The following DNAH8 variants were observed in gnomAD, a reference collection of about 807,000 sequenced individuals.
The protein encoded by DNAH8 is dynein axonemal heavy chain 8.
Under a neutral mutation model 562.1 loss-of-function variants are expected in DNAH8, and 382 were observed. The ratio of observed to expected loss-of-function variants is 0.68; its 90% CI spans 0.63 to 0.74. DNAH8 has a LOEUF of 0.74. Ranked by LOEUF, DNAH8 falls within the 30% of genes least tolerant of loss-of-function variation. The pLI, the probability that DNAH8 is intolerant of heterozygous loss-of-function variation, is 0.00. For missense variants in DNAH8, 5,203 were observed against 5,620.4 expected, an observed-to-expected ratio of 0.93 and a Z score of 2.37; for synonymous variants, 1,881 against 1,919.4, an observed-to-expected ratio of 0.98 and a Z score of 0.52.
At chr6:38,786,687 GC>G in intron 17 of DNAH8, 77 bp from the exon 18 acceptor site, 2 of 1,449,086 alleles carry the variant, frequency 1.4e-6, no homozygotes, top group Non-Finnish European at 1.9e-6. Context: ...AATCCAGGGG[GC>G]AAGACAGAAA....
intron 59 of DNAH8, among the ~76,000 whole-genome samples, chr6:38,895,592 G>A (rs11753409): frequency 0.13 from 20,186 of 152,116 alleles, 1,479 homozygotes; most frequent in South Asian, 0.27. Flanking sequence ...ATAAATCATA[G>A]ATGATAATGC....
intron 48 of DNAH8, among the ~76,000 whole-genome samples, chr6:38,868,616 A>G (rs561192674): frequency 6.6e-6 from 1 of 152,218 alleles, no homozygotes; most frequent in South Asian, 2.1e-4. Context: ...TTCCAAAAAC[A>G]CATTGAAAAT....
At position 38,834,635 on chromosome 6, in the gene DNAH8, A is replaced by G. The variant is rs765157183; in HGVS notation, c.4359A>G (p.Ile1453Met). Reference sequence around the variant, plus strand: ...AAGAAGCTAGCAACAGGCTACAGATATTTCAGGTGAAACCACATTTTTTTT... The same window carrying G: ...AAGAAGCTAGCAACAGGCTACAGATGTTTCAGGTGAAACCACATTTTTTTT... ...PPQEASNRLQ[I>M]FQASFDDLWR... Residue 1453 changes from isoleucine to methionine, a missense_variant, in exon 32 of 93, where the codon ATA becomes ATG. Transcript: ENST00000327475. 3 of 1,606,986 alleles carry G rather than the reference A, an allele frequency of 1.9e-6. No homozygotes were observed. The highest frequency in any genetic ancestry group is 2.5e-6 in the Non-Finnish European group (3 of 1,176,808).
At chr6:38,898,488 A>G (rs1346244920) in intron 61 of DNAH8, 108 bp downstream of exon 61, 6 of 908,920 alleles carry the variant, frequency 6.6e-6, no homozygotes, top group African/African-American at 1.8e-5. Context: ...GGTACCGTAT[A>G]GAAGACTGTA....
chr6:38,715,311 G>T lies in DNAH8; in HGVS notation c.-139G>T, dbSNP rs959015683. The T allele has an allele frequency of 1.3e-5, 2 of 152,252 alleles. No individual in the cohort carries two copies. Among genetic ancestry groups the T allele is most frequent in the Non-Finnish European group, 2.9e-5 (2 of 68,064 alleles). The allele number at this position is 152,252 out of a possible 1,614,324, so 9.4% of individuals were successfully genotyped here. On this transcript the variant is annotated 5_prime_UTR_variant, in exon 1 of 93. Coordinates refer to ENST00000327475, the MANE Select transcript of DNAH8 (RefSeq NM_001206927.2). ...TCTCGGACTCCCAACCGTCAGCCTC[G>T]TTCCGGGCCGCGGAGGCCGGAGCAG...
intron 9 of DNAH8, among the ~76,000 whole-genome samples, chr6:38,751,236 T>G (rs72858288): frequency 0.18 from 27,377 of 152,158 alleles, 3,314 homozygotes; most frequent in Non-Finnish European, 0.27. Context: ...CACGTGGGCC[T>G]CTCCACCTGG....
intron 70 of DNAH8, among the ~76,000 whole-genome samples, chr6:38,920,978 C>A (rs1231953002): frequency 6.6e-6 from 1 of 152,160 alleles, no homozygotes; most frequent in Non-Finnish European, 1.5e-5. Flanking sequence ...GCAGCCTCGA[C>A]CTCCGGGGCC....
intron 87 of DNAH8, among the ~76,000 whole-genome samples, chr6:38,988,912 C>T (rs1359202997): frequency 1.3e-5 from 2 of 152,124 alleles, no homozygotes; most frequent in South Asian, 4.1e-4. Flanking sequence ...TGCCTTAGTG[C>T]ACTTTGTATT....
intron 92 of DNAH8, among the ~76,000 whole-genome samples, chr6:39,029,576 T>C (rs1410597756): frequency 6.6e-6 from 1 of 152,246 alleles, no homozygotes; most frequent in East Asian, 1.9e-4. Flanking sequence ...GATGCTGCCC[T>C]GGCCATGATT....
At chr6:38,820,435 C>T (rs1253872869) in intron 26 of DNAH8, among the ~76,000 whole-genome samples, 1 of 152,180 alleles carries the variant, frequency 6.6e-6, no homozygotes, top group Non-Finnish European at 1.5e-5. Context: ...TCCTATAACA[C>T]TATTCCATCT....
intron 76 of DNAH8, among the ~76,000 whole-genome samples, chr6:38,932,214 A>ACACACACACC (rs1267516972): frequency 6.7e-6 from 1 of 150,280 alleles, no homozygotes; most frequent in Non-Finnish European, 1.5e-5. Context: ...ACACACACAC[A>ACACACACACC]CACCCGTCTC....
chr6:38,778,780 T>A (rs1738258), intron 14 of DNAH8, among the ~76,000 whole-genome samples: 14,480 of 152,130 alleles, frequency 0.095, 1,270 homozygotes, highest in East Asian at 0.44. Context: ...AGGGAACAAA[T>A]AATGTTTACT....
intron 88 of DNAH8, among the ~76,000 whole-genome samples, chr6:38,996,962 C>A (rs567438166): frequency 6.7e-6 from 1 of 148,594 alleles, no homozygotes; most frequent in Non-Finnish European, 1.5e-5. Flanking sequence ...GGCCCTGGAC[C>A]CCTGCCTAAA....
intron 32 of DNAH8, among the ~76,000 whole-genome samples, chr6:38,836,995 T>A (rs779896138): frequency 2.6e-5 from 4 of 152,196 alleles, no homozygotes; most frequent in Non-Finnish European, 4.4e-5. Context: ...TTATTGTTTA[T>A]CCTTCCTTAG....
chr6:38,987,252 C>T (rs1764463686), intron 87 of DNAH8, among the ~76,000 whole-genome samples: 1 of 152,220 alleles, frequency 6.6e-6, no homozygotes, highest in African/African-American at 2.4e-5. Context: ...CCTGCTCCAC[C>T]TTCAAGAGCT....
chr6:38,886,080 G>T (rs1265176234), intron 56 of DNAH8, among the ~76,000 whole-genome samples: 1 of 151,910 alleles, frequency 6.6e-6, no homozygotes, highest in Non-Finnish European at 1.5e-5. Context: ...GCTTAGAAGA[G>T]AATTTGAAGC....
rs780608781 is a variant in DNAH8, at chr6:38,990,136, C to G, written c.13178C>G (p.Pro4393Arg). 1 of 1,612,400 alleles carries G rather than the reference C, an allele frequency of 6.2e-7. No homozygotes were observed. Among genetic ancestry groups the G allele is most frequent in the African/African-American group, 1.3e-5 (1 of 74,992 alleles). Reference sequence around the variant, plus strand: ...CAGTCACTGCCATCCCTAGATAACCCTGAAGTCTTTGGGCTTCACCCTAAT... The same window carrying G: ...CAGTCACTGCCATCCCTAGATAACCGTGAAGTCTTTGGGCTTCACCCTAAT... ...YIQSLPSLDN[P>R]EVFGLHPNAD... The change falls in exon 88 of 93, where the codon CCT (proline) becomes CGT (arginine). Residue 4393 changes from proline to arginine, a missense_variant. This residue lies in a region of DNAH8 where 1,399 missense variants were observed against 1,518.4 expected (regional missense o/e 0.92). Transcript: ENST00000327475.
At chr6:38,721,159 T>C (rs1209137028) in intron 1 of DNAH8, among the ~76,000 whole-genome samples, 1 of 151,732 alleles carries the variant, frequency 6.6e-6, no homozygotes, top group Non-Finnish European at 1.5e-5. Flanking sequence ...AAATAAAAAA[T>C]AAAAAAATTA....
chr6:38,891,602 A>G (rs1449931843), intron 58 of DNAH8, among the ~76,000 whole-genome samples: 4 of 152,168 alleles, frequency 2.6e-5, no homozygotes, highest in African/African-American at 9.7e-5. Flanking sequence ...TTCAGTGATG[A>G]GTGTGGGGCC....
Sources: gnomAD v4.1 joint callset for allele counts (sites outside exome capture counted in the v4.1 genomes callset) on GRCh38, gnomAD v4.1.1 for gene constraint, gnomAD v4.1.1 regional missense constraint, MANE v1.5 for transcripts, NCBI Gene and HGNC (gene_info 2026-07-23, HGNC 2026-07-21) for gene names.